The following NALF2 variants were observed in gnomAD, a reference collection of about 807,000 sequenced individuals.
NALF2 encodes bB57D9.1 (TED protein).
A neutral mutation model predicts 24.8 loss-of-function variants in NALF2; 1 was observed. The ratio of observed to expected loss-of-function variants is 0.04; its 90% CI spans 0.01 to 0.19. The LOEUF is 0.19. Ranked by LOEUF, NALF2 falls within the 10% of genes least tolerant of loss-of-function variation. NALF2 has a pLI of 1.00. For missense variants in NALF2, 458 were observed against 409.6 expected, an observed-to-expected ratio of 1.12 and a Z score of -1.02; for synonymous variants, 254 against 189.8, an observed-to-expected ratio of 1.34 and a Z score of -2.78.
intron 1 of NALF2, among the ~76,000 whole-genome samples, chrX:69,510,685 G>C (rs986769568): frequency 8.9e-6 from 1 of 111,975 alleles, no homozygotes; most frequent in Non-Finnish European, 1.9e-5. Context: ...GGCAAAGCCT[G>C]CCCTTGGGGA....
At chrX:69,528,912 C>G (rs1192049820) in intron 1 of NALF2, 81 bp from the exon 2 acceptor site, 37 of 1,052,913 alleles carry the variant, frequency 3.5e-5, no homozygotes, top group Non-Finnish European at 4.6e-5. Context: ...CTTGAGAGAC[C>G]ACAAGTAAGT....
intron 1 of NALF2, among the ~76,000 whole-genome samples, chrX:69,526,526 A>G (rs1930810669): frequency 8.9e-6 from 1 of 112,384 alleles, no homozygotes; most frequent in African/African-American, 3.2e-5. Context: ...TATTGTGCCG[A>G]GTATACAACA....
At chrX:69,514,935 A>G (rs949340980) in intron 1 of NALF2, among the ~76,000 whole-genome samples, 1 of 112,330 alleles carries the variant, frequency 8.9e-6, no homozygotes, top group Non-Finnish European at 1.9e-5. Flanking sequence ...TGATGAGTGT[A>G]CAATATTCCA....
chrX:69,518,615 CAT>C (rs1309908580), intron 1 of NALF2, among the ~76,000 whole-genome samples: 1 of 111,655 alleles, frequency 9.0e-6, no homozygotes, highest in Non-Finnish European at 1.9e-5. Flanking sequence ...GATATTCACA[CAT>C]ATACATATAT....
chrX:69,520,546 A>G (rs890755468), intron 1 of NALF2, among the ~76,000 whole-genome samples: 1 of 111,539 alleles, frequency 9.0e-6, no homozygotes, highest in South Asian at 3.8e-4. Flanking sequence ...ATGGCTTCCA[A>G]GCCTTTATGC....
At chrX:69,518,039 T>C (rs1930687031) in intron 1 of NALF2, among the ~76,000 whole-genome samples, 1 of 112,454 alleles carries the variant, frequency 8.9e-6, no homozygotes, top group South Asian at 3.7e-4. Context: ...ACTGTCACAC[T>C]GGCACCATTC....
intron 1 of NALF2, among the ~76,000 whole-genome samples, chrX:69,524,636 A>AC (rs199612807): frequency 2.4e-3 from 202 of 85,484 alleles, no homozygotes; most frequent in African/African-American, 0.011. Context: ...TGCCCAAACA[A>AC]CCTCCCCCGT....
chrX:69,505,508 A>C lies in NALF2; in HGVS notation c.226A>C (p.Ser76Arg), dbSNP rs756826111. The change falls in exon 1 of 3, where the codon AGC becomes CGC. Residue 76 changes from serine to arginine, a missense_variant. Coordinates refer to ENST00000252338, the MANE Select transcript of NALF2 (RefSeq NM_015686.3). ...CCGGCCCCGGGCCAGGGAGCTGAGC[A>C]GCGCCATGCGGCCCCCATGGGGGGC... Reference protein sequence around the residue: ...GARPRARELSSAMRPPWGAGR... With the variant: ...GARPRARELSRAMRPPWGAGR... 2 of 1,012,213 alleles carry C rather than the reference A, an allele frequency of 2.0e-6. No individual in the cohort carries two copies. The highest frequency in any genetic ancestry group is 1.2e-6 in the Non-Finnish European group (1 of 805,220). 83.4% of individuals were successfully genotyped at this position (1,012,213 alleles called of 1,213,427 possible).
At position 69,505,908 on chromosome X, in the gene NALF2, T is replaced by C; in HGVS notation, c.626T>C (p.Leu209Pro). The C allele has an allele frequency of 8.3e-7, 1 of 1,211,675 alleles. No individual in the cohort carries two copies. Among genetic ancestry groups the C allele is most frequent in the Non-Finnish European group, 1.1e-6 (1 of 895,456 alleles). Residue 209 changes from leucine to proline, a missense_variant, in exon 1 of 3, where the codon CTG becomes CCG. Coordinates refer to ENST00000252338, the MANE Select transcript of NALF2 (RefSeq NM_015686.3). ...ACCTACACGGTCTGGGACTTGCTGCTGGGCATGGACCGCCCCGACAGCCTG... is the reference window on the plus strand; with the variant it reads ...ACCTACACGGTCTGGGACTTGCTGCCGGGCATGGACCGCCCCGACAGCCTG... ...CDTYTVWDLL[L>P]GMDRPDSLDC...
rs1161154265 is a variant in NALF2 at position 69,505,170 on chromosome X, A to C, written c.-113A>C. ...GGCCTGCCTCACCATGCAGCCCCCGAGGTAGAGCCTGGACGGCGCCGAGGA... is the reference window on the plus strand; with the variant it reads ...GGCCTGCCTCACCATGCAGCCCCCGCGGTAGAGCCTGGACGGCGCCGAGGA... On this transcript the variant is annotated 5_prime_UTR_variant, in exon 1 of 3. Coordinates refer to ENST00000252338, the MANE Select transcript of NALF2 (RefSeq NM_015686.3). 2.1e-5 allele frequency: 16 copies of C among 748,624 alleles called. No homozygotes were observed. Among genetic ancestry groups the C allele is most frequent in the Non-Finnish European group, 2.5e-5 (14 of 553,676 alleles). 61.7% of individuals were successfully genotyped at this position (748,624 alleles called of 1,213,427 possible).
rs1262212350 is a variant in NALF2, at chrX:69,505,714, C to T, written c.432C>T (p.Asp144=). The T allele has an allele frequency of 8.3e-7, 1 of 1,210,855 alleles. No individual in the cohort carries two copies. Among genetic ancestry groups the T allele is most frequent in the Non-Finnish European group, 1.1e-6 (1 of 895,016 alleles). ...GCGTCCCAGAGCCCACGGGGCTGGA[C>T]GCAGCTTGCACCAAATTGCAATCTT... is the stretch of plus-strand genomic sequence containing the variant. ...CGGVPEPTGL[D]AACTKLQSLQ... Residue 144 remains aspartate (D), a synonymous_variant, in exon 1 of 3, where the codon GAC becomes GAT. Coordinates refer to ENST00000252338, the MANE Select transcript of NALF2 (RefSeq NM_015686.3).
At chrX:69,511,384 C>A (rs771712831) in intron 1 of NALF2, among the ~76,000 whole-genome samples, 31 of 111,634 alleles carry the variant, frequency 2.8e-4, no homozygotes, top group Non-Finnish European at 2.1e-4. Flanking sequence ...TCTCTTTCAT[C>A]TTCTGGTCCT....
chrX:69,508,697 C>A (rs1421169299), intron 1 of NALF2, among the ~76,000 whole-genome samples: 1 of 111,561 alleles, frequency 9.0e-6, no homozygotes, highest in Non-Finnish European at 1.9e-5. Flanking sequence ...AGGCTCCTCT[C>A]TCCTCAGTCC....
chrX:69,529,371 T>G (rs986703370), intron 2 of NALF2, among the ~76,000 whole-genome samples, 200 bp from the exon 3 acceptor site: 3 of 110,872 alleles, frequency 2.7e-5, no homozygotes, highest in African/African-American at 9.9e-5. Context: ...GCCCAAAACA[T>G]GTCCAGGGAG....
intron 1 of NALF2, among the ~76,000 whole-genome samples, chrX:69,514,770 C>G (rs768914458): frequency 8.9e-6 from 1 of 112,240 alleles, no homozygotes; most frequent in Non-Finnish European, 1.9e-5. Context: ...TCCTTGTCAA[C>G]ACTTGTTATT....
At chrX:69,506,760 C>G (rs959637667) in intron 1 of NALF2, among the ~76,000 whole-genome samples, 1 of 112,651 alleles carries the variant, frequency 8.9e-6, no homozygotes, top group African/African-American at 3.2e-5. Context: ...CTCTTCTCCC[C>G]TGACAAAGGA....
intron 1 of NALF2, among the ~76,000 whole-genome samples, chrX:69,523,400 G>T (rs1225075075): frequency 8.9e-6 from 1 of 111,816 alleles, no homozygotes; most frequent in Admixed American, 9.4e-5. Flanking sequence ...AGAGCCAGAG[G>T]GTAAGGCTCT....
At chrX:69,518,174 A>T (rs1469366545) in intron 1 of NALF2, among the ~76,000 whole-genome samples, 2 of 111,227 alleles carry the variant, frequency 1.8e-5, no homozygotes, top group Non-Finnish European at 3.8e-5. Flanking sequence ...TGATAAATTT[A>T]CCATGGTCCA....
chrX:69,530,301 A>C lies in NALF2; in HGVS notation c.*345A>C. The stretch of plus-strand genomic sequence containing the variant: ...CTGACCCCAGGGAAGGAGGCTGCTC[A>C]CCCAGCCTTGGCCCTGCAGGGAATG... On this transcript the variant is annotated 3_prime_UTR_variant, in exon 3 of 3. Transcript: ENST00000252338. The C allele has an allele frequency of 4.8e-6, 1 of 206,489 alleles. No individual in the cohort carries two copies. The highest frequency in any genetic ancestry group is 8.9e-6 in the Non-Finnish European group (1 of 112,796). 17.0% of individuals were successfully genotyped at this position (206,489 alleles called of 1,213,427 possible).
Sources: gnomAD v4.1 joint callset for allele counts (sites outside exome capture counted in the v4.1 genomes callset) on GRCh38, gnomAD v4.1.1 for gene constraint, MANE v1.5 for transcripts, NCBI Gene and HGNC (gene_info 2026-07-23, HGNC 2026-07-21) for gene names.